PRH1: variants seen among roughly 807,000 people sequenced by gnomAD.
PRH1 encodes proline rich protein HaeIII subfamily 1, also known as salivary acidic proline-rich phosphoprotein 1/2.
Under a neutral mutation model 7.9 loss-of-function variants are expected in PRH1, and 7 were observed. The observed-to-expected ratio is 0.89, with a 90% CI of 0.50 to 1.67. The LOEUF is 1.67. PRH1 is among the 40% of genes most tolerant of loss of function. The pLI is 0.00. For missense variants in PRH1, 109 were observed against 223.6 expected, an observed-to-expected ratio of 0.49 and a Z score of 3.27; for synonymous variants, 45 against 80.8, an observed-to-expected ratio of 0.56 and a Z score of 2.38.
chr12:11,067,232 TA>T (rs1943862837), intron 1 of PRH1, among the ~76,000 whole-genome samples: 2 of 152,206 alleles, frequency 1.3e-5, no homozygotes, highest in Non-Finnish European at 2.9e-5. Flanking sequence ...TCAAAAAATT[TA>T]TATTAACAAA....
chr12:11,029,853 C>T (rs911141841), intron 1 of PRH1, among the ~76,000 whole-genome samples: 11 of 152,258 alleles, frequency 7.2e-5, no homozygotes, highest in African/African-American at 2.6e-4. Context: ...TTTTACTAAA[C>T]ATAAAATAGA....
Position 11,075,545 on chromosome 12 carries a change from C to A in PRH1, n.124-28357G>T. The stretch of plus-strand genomic sequence containing the variant: ...ACATTCTTGTGATGGGGTCTGCTAA[C>A]CCCGAGCAGCTGGCACTCACAGCTG... On this transcript the variant is annotated intron_variant and non_coding_transcript_variant, in intron 1 of 4. Transcript: ENST00000541977. 1.7e-5 allele frequency among the ~76,000 whole-genome samples: 2 copies of A among 114,678 alleles called. 1 individual carries two copies. Among genetic ancestry groups the A allele is most frequent in the Non-Finnish European group, 4.1e-5 (2 of 48,672 alleles). 75.2% of individuals were successfully genotyped at this position (114,678 alleles called of 152,430 possible).
At chr12:11,157,702 C>T (rs1289133442) in intron 1 of PRH1, among the ~76,000 whole-genome samples, 1 of 152,154 alleles carries the variant, frequency 6.6e-6, no homozygotes, top group African/African-American at 2.4e-5. Context: ...AAGCCTTGCT[C>T]TTTAATAATG....
chr12:10,991,991 T>C (rs909800196), intron 1 of PRH1, among the ~76,000 whole-genome samples: 1 of 152,132 alleles, frequency 6.6e-6, no homozygotes, highest in Non-Finnish European at 1.5e-5. Flanking sequence ...GACCGATAGT[T>C]GAAGAGGCCT....
At chr12:11,030,796 G>A in intron 1 of PRH1, 1 of 1,614,146 alleles carries the variant, frequency 6.2e-7, no homozygotes, top group Non-Finnish European at 8.5e-7. Context: ...TTCCTAGCGT[G>A]GTTACAGTCG....
chr12:11,155,868 T>A (rs1947232872), intron 1 of PRH1, among the ~76,000 whole-genome samples: 1 of 152,156 alleles, frequency 6.6e-6, no homozygotes, highest in Non-Finnish European at 1.5e-5. Flanking sequence ...AGTATATGCA[T>A]TGAATTTGAT....
At chr12:11,109,624 A>G (rs1421621852) in intron 1 of PRH1, among the ~76,000 whole-genome samples, 1 of 152,166 alleles carries the variant, frequency 6.6e-6, no homozygotes, top group Non-Finnish European at 1.5e-5. Flanking sequence ...AATAGCATCA[A>G]CATCAACAAA....
intron 2 of PRH1, among the ~76,000 whole-genome samples, chr12:10,918,626 A>G (rs1467748643): frequency 6.6e-6 from 1 of 152,216 alleles, no homozygotes; most frequent in Non-Finnish European, 1.5e-5. Context: ...GCATGCACCA[A>G]TGTAAGCTCT....
chr12:11,020,363 G>GATATATATATATATATATATAT lies in PRH1; in HGVS notation c.-126+26635_-126+26656dup, dbSNP rs71051554. 5.9e-3 allele frequency among the ~76,000 whole-genome samples: 511 copies of GATATATATATATATATATATAT among 87,226 alleles called. 22 individuals carry two copies. Among genetic ancestry groups the GATATATATATATATATATATAT allele is most frequent in the South Asian group, 9.8e-3 (15 of 1,530 alleles). The allele number at this position is 87,226 out of a possible 152,430, so 57.2% of individuals were successfully genotyped here. ...GTACTAGGGAGGACGTATGATAAGC[G>GATATATATATATATATATATAT]ATATATATATATATATATATATATA... On this transcript the variant is annotated intron_variant, in intron 1 of 3. Transcript: ENST00000539853.
intron 1 of PRH1, among the ~76,000 whole-genome samples, chr12:11,029,897 C>A (rs1462850145): frequency 1.3e-5 from 2 of 152,132 alleles, no homozygotes; most frequent in African/African-American, 4.8e-5. Flanking sequence ...AAAGATACAT[C>A]CTCATTATTG....
At chr12:11,105,631 G>GT (rs1945387040) in intron 1 of PRH1, among the ~76,000 whole-genome samples, 1 of 152,174 alleles carries the variant, frequency 6.6e-6, no homozygotes, top group Non-Finnish European at 1.5e-5. Flanking sequence ...CCAATGAAGA[G>GT]TTTTTTAATT....
chr12:11,109,359 G>C (rs1460051834), intron 1 of PRH1, among the ~76,000 whole-genome samples: 2 of 152,170 alleles, frequency 1.3e-5, no homozygotes, highest in Non-Finnish European at 2.9e-5. Flanking sequence ...CCTGACCTCT[G>C]TGCCTCCTTA....
chr12:11,058,106 T>C (rs1272593830), intron 1 of PRH1, among the ~76,000 whole-genome samples: 1 of 152,090 alleles, frequency 6.6e-6, no homozygotes, highest in Non-Finnish European at 1.5e-5. Flanking sequence ...CAAGGTGGTG[T>C]GTCCCTGCAG....
chr12:11,031,521 A>ACTTTTTT, intron 1 of PRH1: 2 of 605,978 alleles, frequency 3.3e-6, no homozygotes, highest in African/African-American at 2.0e-5. Flanking sequence ...GAGAAGAGAG[A>ACTTTTTT]AAGGACAAAG....
chr12:10,938,611 A>T, intron 2 of PRH1: 1 of 1,613,932 alleles, frequency 6.2e-7, no homozygotes. Context: ...AGATGAGGAG[A>T]AGAAACATTG....
rs372642689 is a variant in PRH1 at position 10,923,016 on chromosome 12, A to G, written c.-58-38741T>C. ...GCTAATTTTTTGTATTTTTAGTAGAAACGGGGTTTCACCTTGTTAGCCAGG... is the reference window on the plus strand; with the variant it reads ...GCTAATTTTTTGTATTTTTAGTAGAGACGGGGTTTCACCTTGTTAGCCAGG... On this transcript the variant is annotated intron_variant, in intron 2 of 3. Coordinates refer to the PRH1 transcript ENST00000539853. Among the ~76,000 whole-genome samples the G allele has an allele frequency of 4.4e-4, 66 of 148,990 alleles. No homozygotes were observed. In the East Asian group the frequency reaches 7.7e-3, roughly 17 times the overall value.
rs560881149 is a variant in PRH1, at chr12:11,100,931, A to G, written n.124-53743T>C. ...AGTATAGTGAAATTAGAATGCTAAC[A>G]ATGTGAATATAAATATTTCATTTAG... On this transcript the variant is annotated intron_variant and non_coding_transcript_variant, in intron 1 of 4. Coordinates refer to the PRH1 transcript ENST00000541977. Among the ~76,000 whole-genome samples the G allele has an allele frequency of 3.7e-3, 558 of 152,338 alleles. 5 individuals are homozygous for G. Among genetic ancestry groups the G allele is most frequent in the African/African-American group, 0.013 (532 of 41,582 alleles).
chr12:10,907,912 A>G (rs1007929043), intron 2 of PRH1: 1 of 154,854 alleles, frequency 6.5e-6, no homozygotes, highest in Non-Finnish European at 1.4e-5. Context: ...TCAACACATC[A>G]GTATAGTAAT....
chr12:11,149,515 C>T (rs1946991832), intron 1 of PRH1, among the ~76,000 whole-genome samples: 1 of 150,446 alleles, frequency 6.6e-6, no homozygotes, highest in South Asian at 2.1e-4. Context: ...AATAACGCCG[C>T]ATATCTACAA....
Sources: allele counts gnomAD v4.1 joint callset (sites outside exome capture counted in the v4.1 genomes callset), GRCh38; gene constraint gnomAD v4.1.1; transcripts MANE v1.5; gene names NCBI Gene and HGNC (gene_info 2026-07-23, HGNC 2026-07-21).